Variants in DOCK4 observed in about 807,000 individuals in gnomAD.
DOCK4 encodes the protein dedicator of cytokinesis 4, also known as dedicator of cytokinesis protein 4.
A neutral mutation model predicts 268.1 loss-of-function variants in DOCK4; 97 were observed. That is an observed-to-expected ratio of 0.36 (90% CI 0.31 to 0.43). DOCK4 has a LOEUF of 0.43. Ranked by LOEUF, DOCK4 falls within the 20% of genes least tolerant of loss-of-function variation. The pLI, the probability that DOCK4 is intolerant of heterozygous loss-of-function variation, is 1.00. For synonymous variants in DOCK4, 954 were observed against 887.2 expected, an observed-to-expected ratio of 1.08 and a Z score of -1.34; for missense variants, 2,145 against 2,455.7, an observed-to-expected ratio of 0.87 and a Z score of 2.67.
intron 16 of DOCK4, 89 bp downstream of exon 16, chr7:111,895,523 T>A: frequency 8.9e-7 from 1 of 1,126,958 alleles, no homozygotes; most frequent in Admixed American, 1.9e-5. Flanking sequence ...ATTTCAGTCA[T>A]TTTTTTCTCT....
intron 11 of DOCK4, 125 bp downstream of exon 11, chr7:111,939,985 T>G (rs1586440562): frequency 1.0e-6 from 1 of 965,230 alleles, no homozygotes; most frequent in Admixed American, 2.4e-5. Context: ...ATTACTGGGT[T>G]TTTGAGGAAT....
chr7:112,029,001 A>C (rs1484198784), intron 1 of DOCK4, among the ~76,000 whole-genome samples: 1 of 152,182 alleles, frequency 6.6e-6, no homozygotes, highest in Non-Finnish European at 1.5e-5. Flanking sequence ...CTTATCTTGC[A>C]ATGTTATTTT....
intron 30 of DOCK4, among the ~76,000 whole-genome samples, chr7:111,800,561 A>T (rs1282306453): frequency 6.6e-6 from 1 of 152,204 alleles, no homozygotes; most frequent in Non-Finnish European, 1.5e-5. Context: ...CCACTGGTGT[A>T]ACAAACAGGT....
At chr7:111,778,143 ATCC>A (rs1798569099) in intron 36 of DOCK4, 130 bp downstream of exon 36, 1 of 590,890 alleles carries the variant, frequency 1.7e-6, no homozygotes, top group Admixed American at 3.2e-5. Context: ...AGAAATATAT[ATCC>A]AATTAAAAAT....
chr7:111,784,051 C>T (rs1427968800), intron 33 of DOCK4, 46 bp downstream of exon 33: 2 of 1,577,848 alleles, frequency 1.3e-6, no homozygotes, highest in East Asian at 2.3e-5. Context: ...CCTTAGCAAC[C>T]ACTGCAACAT....
chr7:112,067,808 T>G (rs1226696687), intron 1 of DOCK4, among the ~76,000 whole-genome samples: 1 of 152,198 alleles, frequency 6.6e-6, no homozygotes, highest in Non-Finnish European at 1.5e-5. Context: ...GTTTCAATGC[T>G]TACCACATTA....
intron 1 of DOCK4, among the ~76,000 whole-genome samples, chr7:112,111,389 G>A (rs1469142132): frequency 6.6e-6 from 1 of 151,984 alleles, no homozygotes; most frequent in Non-Finnish European, 1.5e-5. Context: ...CATAGGCGGG[G>A]GTCTCAGGTG....
At chr7:112,189,746 G>GTTTCTTT (rs1819766381) in intron 1 of DOCK4, among the ~76,000 whole-genome samples, 4 of 95,776 alleles carry the variant, frequency 4.2e-5, no homozygotes, top group Admixed American at 1.3e-4. Flanking sequence ...TCTGGGTTTT[G>GTTTCTTT]TTTTTTTTTT....
chr7:112,143,256 G>A (rs1398274530), intron 1 of DOCK4, among the ~76,000 whole-genome samples: 1 of 152,022 alleles, frequency 6.6e-6, no homozygotes, highest in Non-Finnish European at 1.5e-5. Context: ...GACCTCCACA[G>A]CAGTGGAAAC....
At chr7:112,077,766 C>T (rs1170760201) in intron 1 of DOCK4, among the ~76,000 whole-genome samples, 1 of 152,078 alleles carries the variant, frequency 6.6e-6, no homozygotes, top group African/African-American at 2.4e-5. Context: ...GATAATACAG[C>T]ACTTGTAATT....
In DOCK4 at chr7:112,106,839, T is replaced by C. The variant is rs73715457; in HGVS notation, c.37+99263A>G. ...TTGAGTTTATAAGAATGAGAGAAGA[T>C]GTGTATGCAAAAGAACAATGAGTAT... On this transcript the variant is annotated intron_variant, in intron 1 of 52. Transcript: ENST00000428084. Among the ~76,000 whole-genome samples, 853 of 152,282 alleles carry C rather than the reference T, an allele frequency of 5.6e-3. 8 individuals carry two copies. The highest frequency in any genetic ancestry group is 0.019 in the African/African-American group (791 of 41,564).
chr7:111,762,564 T>C (rs957091734), intron 39 of DOCK4, among the ~76,000 whole-genome samples: 1 of 152,094 alleles, frequency 6.6e-6, no homozygotes, highest in African/African-American at 2.4e-5. Flanking sequence ...TGCATAGATA[T>C]GCTGTGTTTT....
intron 1 of DOCK4, among the ~76,000 whole-genome samples, chr7:112,084,411 C>T (rs1808876471): frequency 6.6e-6 from 1 of 152,150 alleles, no homozygotes; most frequent in Admixed American, 6.5e-5. Flanking sequence ...TTCATTTATA[C>T]AGAGAGCATC....
At chr7:112,075,869 T>C (rs1808021827) in intron 1 of DOCK4, among the ~76,000 whole-genome samples, 1 of 152,172 alleles carries the variant, frequency 6.6e-6, no homozygotes, top group East Asian at 1.9e-4. Context: ...CAGTGACTTC[T>C]AATTTTCATT....
chr7:112,147,089 A>G (rs933268589), intron 1 of DOCK4, among the ~76,000 whole-genome samples: 1 of 152,168 alleles, frequency 6.6e-6, no homozygotes, highest in African/African-American at 2.4e-5. Context: ...TAATCCAGAT[A>G]TTAAAATTAT....
intron 22 of DOCK4, 99 bp downstream of exon 22, chr7:111,867,885 G>C: frequency 8.5e-7 from 1 of 1,182,196 alleles, no homozygotes; most frequent in Non-Finnish European, 1.1e-6. Flanking sequence ...TGGAGCAATT[G>C]ACTTCTGATG....
intron 30 of DOCK4, among the ~76,000 whole-genome samples, chr7:111,796,866 T>G (rs575160207): frequency 1.3e-5 from 2 of 152,244 alleles, no homozygotes; most frequent in African/African-American, 4.8e-5. Flanking sequence ...GTCCCACCAC[T>G]TAGTTCATCC....
intron 16 of DOCK4, among the ~76,000 whole-genome samples, chr7:111,882,722 C>T (rs1807503132): frequency 6.6e-6 from 1 of 152,036 alleles, no homozygotes; most frequent in Admixed American, 6.6e-5. Flanking sequence ...AAGCAATTCT[C>T]CTGCCTCAGC....
intron 1 of DOCK4, among the ~76,000 whole-genome samples, chr7:112,085,069 G>C (rs921997237): frequency 6.6e-6 from 1 of 152,092 alleles, no homozygotes; most frequent in Non-Finnish European, 1.5e-5. Flanking sequence ...AATTGTTCTA[G>C]TATATTCACT....
Sources: gnomAD v4.1 joint callset for allele counts (sites outside exome capture counted in the v4.1 genomes callset) on GRCh38, gnomAD v4.1.1 for gene constraint, MANE v1.5 for transcripts, NCBI Gene and HGNC (gene_info 2026-07-23, HGNC 2026-07-21) for gene names.